Variants in GRHL3 observed in about 807,000 individuals in gnomAD.
The protein encoded by GRHL3 is grainyhead like transcription factor 3, also known as grainyhead-like protein 3 homolog.
Under a neutral mutation model 70.3 loss-of-function variants are expected in GRHL3, and 20 were observed. The ratio of observed to expected loss-of-function variants is 0.28; its 90% CI spans 0.20 to 0.41. The LOEUF (loss-of-function observed/expected upper bound fraction) is 0.41, where lower values mean the gene tolerates loss of function less well. GRHL3 is among the 10% of genes least tolerant of loss of function. The pLI is 1.00. For synonymous variants in GRHL3, 299 were observed against 299.9 expected (o/e 1.00, Z 0.03); for missense variants, 637 against 762.3 (o/e 0.84, Z 1.94).
downstream of GRHL3, among the ~76,000 whole-genome samples, chr1:24,359,616 C>A (rs1640961323): frequency 6.6e-6 from 1 of 152,158 alleles, no homozygotes; most frequent in Non-Finnish European, 1.5e-5. This position sits in a 1 kb window ranked among gnomAD's most constrained non-coding sequence, Gnocchi z 5.3. Context: ...TGACTGTGGC[C>A]TCTGGGGGCA....
chr1:24,349,966 G>GT, intron 14 of GRHL3, 92 bp from the exon 15 acceptor site: 1 of 904,126 alleles, frequency 1.1e-6, no homozygotes, highest in African/African-American at 1.7e-5. Context: ...TTTTACTTTT[G>GT]TAATCAGGAA....
chr1:24,348,774 T>C (rs566888301), intron 14 of GRHL3, among the ~76,000 whole-genome samples: 1 of 151,894 alleles, frequency 6.6e-6, no homozygotes, highest in Non-Finnish European at 1.5e-5. Context: ...AGTCACATCA[T>C]CATTAAAAGA....
chr1:24,343,718 GA>G (rs1640137928), intron 11 of GRHL3, among the ~76,000 whole-genome samples: 1 of 152,158 alleles, frequency 6.6e-6, no homozygotes, highest in Non-Finnish European at 1.5e-5. Flanking sequence ...CAAGACCCCA[GA>G]GCCTGTCTCC....
downstream of GRHL3, chr1:24,358,428 C>A (rs779223802): frequency 5.7e-6 from 5 of 881,546 alleles, 1 homozygote; most frequent in African/African-American, 8.2e-5. Context: ...GGTAGAGCCA[C>A]CCCCCAAGTT....
At chr1:24,358,081 A>T (rs1640839281), downstream of GRHL3, 1 of 389,858 alleles carries the variant, frequency 2.6e-6, no homozygotes, top group Non-Finnish European at 5.2e-6. Flanking sequence ...AAAGGGACAA[A>T]TGAGAAAGGC....
At chr1:24,355,486 G>T (rs950841716), downstream of GRHL3, among the ~76,000 whole-genome samples, 1 of 152,168 alleles carries the variant, frequency 6.6e-6, no homozygotes, top group Non-Finnish European at 1.5e-5. Flanking sequence ...GAGCAGAGGT[G>T]CCCCCTCTGG....
rs370513043 is a variant in GRHL3 at position 24,342,968 on chromosome 1, G to A, written c.1362G>A (p.Thr454=). Residue 454 remains threonine, a synonymous_variant, in exon 11 of 16, where the codon ACG becomes ACA. Coordinates refer to ENST00000361548, the MANE Select transcript of GRHL3 (RefSeq NM_198173.3). The surrounding 1 kb of genome is among the most constrained non-coding windows in gnomAD (Gnocchi z 4.8). ...TTCGGCCAGAGACTGACCTGGAGAC[G>A]CCACCCGTGCTGTTCATCCCCAATG... ...TYLRPETDLE[T]PPVLFIPNVH... is the part of the protein sequence containing the mutation. The A allele has an allele frequency of 1.4e-5, 23 of 1,613,958 alleles. No homozygotes were observed. Among genetic ancestry groups the A allele is most frequent in the South Asian group, 2.2e-5 (2 of 91,070 alleles).
At position 24,319,565 on chromosome 1, in the gene GRHL3, T is replaced by C; in HGVS notation, c.14T>C (p.Leu5Pro). Residue 5 changes from leucine (L) to proline (P), a missense_variant, in exon 1 of 16, where the codon CTT becomes CCT. This residue lies in a region of GRHL3 where 250 missense variants were observed against 248.6 expected (regional missense o/e 1.01). Coordinates refer to ENST00000361548, the MANE Select transcript of GRHL3 (RefSeq NM_198173.3). MSNE[L>P]DFRSVRLLKN... Reference sequence around the variant, plus strand: ...GGGAGCAGGAAGATGTCGAATGAACTTGAGTGAGTAAACATCGGTGGATAC... The same window carrying C: ...GGGAGCAGGAAGATGTCGAATGAACCTGAGTGAGTAAACATCGGTGGATAC... The C allele has an allele frequency of 6.2e-7, 1 of 1,613,832 alleles. No individual in the cohort carries two copies. The highest frequency in any genetic ancestry group is 8.5e-7 in the Non-Finnish European group (1 of 1,179,878).
At chr1:24,347,642 G>A in intron 14 of GRHL3, 89 bp downstream of exon 14, 1 of 1,092,506 alleles carries the variant, frequency 9.2e-7, no homozygotes, top group Non-Finnish European at 1.4e-6. Flanking sequence ...ATTTCCCACA[G>A]GAGGGAACCT....
At chr1:24,336,451 A>G in intron 3 of GRHL3, 31 bp from the exon 4 acceptor site, 1 of 1,446,926 alleles carries the variant, frequency 6.9e-7, no homozygotes, top group Non-Finnish European at 9.4e-7. Flanking sequence ...CCCAGAGAGA[A>G]GTACACTCAG....
chr1:24,360,418 C>G (rs1418420654), intron 15 of GRHL3, among the ~76,000 whole-genome samples: 1 of 152,132 alleles, frequency 6.6e-6, no homozygotes, highest in Non-Finnish European at 1.5e-5. Flanking sequence ...TGCACTCCAG[C>G]CTGGGCGATA....
At chr1:24,358,405 G>A (rs74060310), downstream of GRHL3, 14,631 of 777,668 alleles carry the variant, frequency 0.019, 591 homozygotes, top group African/African-American at 0.13. Flanking sequence ...CGGCTAGGAT[G>A]CCAGGCCAGA....
In GRHL3 at chr1:24,350,213, A is replaced by T. The variant is rs1300373185; in HGVS notation, c.1694+91A>T. 3 of 1,097,854 alleles carry T rather than the reference A, an allele frequency of 2.7e-6. No individual in the cohort carries two copies. In the East Asian group the frequency reaches 7.6e-5, roughly 28 times the overall value. 68.0% of individuals were successfully genotyped at this position (1,097,854 alleles called of 1,614,324 possible). A position where few individuals can be genotyped will look rare whatever the true frequency, so the allele number is the denominator to read the frequency against. ...TTGTGGAGGGGCTGAGGGGATGTGG[A>T]GTTGGGGTGGAGAGCTCCCCAGCCA... is the stretch of plus-strand genomic sequence containing the variant. On this transcript the variant is annotated intron_variant, in intron 15 of 15. Transcript: ENST00000361548.
chr1:24,358,482 C>T, downstream of GRHL3: 1 of 1,393,080 alleles, frequency 7.2e-7, no homozygotes, highest in South Asian at 1.2e-5. Flanking sequence ...GAGGAATGTC[C>T]TGGGGACGCT....
At chr1:24,323,201 TA>T (rs1639269512) in intron 1 of GRHL3, 1 of 839,442 alleles carries the variant, frequency 1.2e-6, no homozygotes, top group Admixed American at 2.0e-5. Flanking sequence ...AGGGAGTCAT[TA>T]TTTTGAAAGA....
intron 1 of GRHL3, among the ~76,000 whole-genome samples, chr1:24,323,461 A>C (rs1437543053): frequency 6.6e-6 from 1 of 152,160 alleles, no homozygotes; most frequent in Non-Finnish European, 1.5e-5. Flanking sequence ...TCCCAAATCC[A>C]CTACTGACCT....
At chr1:24,325,857 T>C (rs1408540542) in intron 1 of GRHL3, among the ~76,000 whole-genome samples, 5 of 152,180 alleles carry the variant, frequency 3.3e-5, no homozygotes, top group Non-Finnish European at 7.3e-5. Flanking sequence ...TGTTGCCTGC[T>C]CTCTCCTAAA....
intron 1 of GRHL3, among the ~76,000 whole-genome samples, chr1:24,320,527 G>A (rs755202163): frequency 5.9e-5 from 9 of 152,162 alleles, no homozygotes; most frequent in Non-Finnish European, 1.2e-4. Flanking sequence ...TTAAACACAG[G>A]CTCTCCTTTT....
At position 24,350,410 on chromosome 1, in the gene GRHL3, G is replaced by A. The variant is rs114806664; in HGVS notation, c.1694+288G>A. On this transcript the variant is annotated intron_variant, in intron 15 of 15. Transcript: ENST00000361548. Reference sequence around the variant, plus strand: ...GAAGACCCAGGTTCAAGGCCACTGGGAAACCAAGCCATTTGATTATAAAGA... The same window carrying A: ...GAAGACCCAGGTTCAAGGCCACTGGAAAACCAAGCCATTTGATTATAAAGA... Among the ~76,000 whole-genome samples the A allele has an allele frequency of 3.8e-3, 574 of 152,302 alleles. 3 individuals are homozygous for A. Among genetic ancestry groups the A allele is most frequent in the African/African-American group, 0.013 (531 of 41,552 alleles).
Sources: gnomAD v4.1 joint callset for allele counts (sites outside exome capture counted in the v4.1 genomes callset) on GRCh38, gnomAD v4.1.1 for gene constraint, gnomAD v4.1.1 regional missense constraint, Gnocchi (gnomAD v3.1) non-coding constraint, MANE v1.5 for transcripts, NCBI Gene and HGNC (gene_info 2026-07-23, HGNC 2026-07-21) for gene names.